The following FMN1 variants were observed in gnomAD, a reference collection of about 807,000 sequenced individuals.
FMN1 encodes formin-1.
A neutral mutation model predicts 132.4 loss-of-function variants in FMN1; 110 were observed. That is an observed-to-expected ratio of 0.83 (90% CI 0.71 to 0.97). The LOEUF is 0.97. FMN1 is among the 50% of genes least tolerant of loss of function. FMN1 has a pLI of 0.00. For missense variants in FMN1, 1,792 were observed against 1,705.3 expected (o/e 1.05, Z -0.90); for synonymous variants, 722 against 651.7 (o/e 1.11, Z -1.64).
chr15:33,041,953 T>C (rs1199949971), intron 6 of FMN1, among the ~76,000 whole-genome samples: 1 of 151,974 alleles, frequency 6.6e-6, no homozygotes, highest in Non-Finnish European at 1.5e-5. Context: ...TTTTAAATCA[T>C]TAAGATAGTA....
At chr15:33,048,850 A>G (rs1391338468) in intron 6 of FMN1, among the ~76,000 whole-genome samples, 4 of 152,130 alleles carry the variant, frequency 2.6e-5, no homozygotes, top group Non-Finnish European at 5.9e-5. Flanking sequence ...ACCTGCCCCC[A>G]TGATTCAACT....
At chr15:33,047,270 T>C (rs551003831) in intron 6 of FMN1, among the ~76,000 whole-genome samples, 3 of 152,346 alleles carry the variant, frequency 2.0e-5, no homozygotes, top group African/African-American at 7.2e-5. Flanking sequence ...TTATAAAAAC[T>C]GTTTGCCACC....
At chr15:33,172,915 G>A (rs976925078) in intron 3 of FMN1, among the ~76,000 whole-genome samples, 2 of 152,210 alleles carry the variant, frequency 1.3e-5, no homozygotes, top group Admixed American at 6.5e-5. Flanking sequence ...TGTGACTTTA[G>A]GAAGAAGAGA....
At chr15:32,970,000 C>G (rs187129221) in intron 7 of FMN1, among the ~76,000 whole-genome samples, 1 of 152,168 alleles carries the variant, frequency 6.6e-6, no homozygotes, top group Non-Finnish European at 1.5e-5. Context: ...CGATAACTTA[C>G]TTTTTTAAAG....
intron 7 of FMN1, among the ~76,000 whole-genome samples, chr15:32,971,795 T>C (rs573996970): frequency 3.6e-4 from 55 of 152,350 alleles, no homozygotes; most frequent in African/African-American, 1.2e-3. Flanking sequence ...GGTGAACTTA[T>C]TGAGTTTCTG....
chr15:33,047,117 G>T (rs2036723249), intron 6 of FMN1, among the ~76,000 whole-genome samples: 1 of 152,206 alleles, frequency 6.6e-6, no homozygotes, highest in Non-Finnish European at 1.5e-5. Context: ...TACAATGGCG[G>T]TCTGGCTTAG....
intron 4 of FMN1, among the ~76,000 whole-genome samples, chr15:33,134,557 T>C (rs1212221592): frequency 6.6e-6 from 1 of 152,138 alleles, no homozygotes. Flanking sequence ...GGGGAAACAG[T>C]AGTCGATTGG....
intron 6 of FMN1, among the ~76,000 whole-genome samples, chr15:33,030,837 A>G (rs1774260782): frequency 6.6e-6 from 1 of 152,148 alleles, no homozygotes; most frequent in African/African-American, 2.4e-5. Context: ...TTTTTTATTA[A>G]TATACTTTAA....
At chr15:32,849,716 G>C (rs544056504) in intron 17 of FMN1, among the ~76,000 whole-genome samples, 2 of 152,166 alleles carry the variant, frequency 1.3e-5, no homozygotes, top group Admixed American at 1.3e-4. Flanking sequence ...CAGTGCAGTG[G>C]TATGATCTCA....
At chr15:32,957,295 G>GTTGT in intron 9 of FMN1, among the ~76,000 whole-genome samples, 1 of 74,158 alleles carries the variant, frequency 1.3e-5, no homozygotes, top group South Asian at 5.2e-4. Flanking sequence ...TATCAGAGCA[G>GTTGT]TTCTTTTTTT....
At chr15:32,822,250 G>A (rs1457423454) in intron 17 of FMN1, among the ~76,000 whole-genome samples, 1 of 152,190 alleles carries the variant, frequency 6.6e-6, no homozygotes, top group African/African-American at 2.4e-5. Context: ...TCAGGAAGCT[G>A]AGGCAGGAGA....
intron 6 of FMN1, chr15:33,062,916 T>A (rs964357989): frequency 1.4e-4 from 21 of 152,342 alleles, no homozygotes; most frequent in African/African-American, 4.8e-4. Context: ...AATAGCTGTA[T>A]ATTTTCTATG....
chr15:32,858,343 G>T (rs76027286), intron 16 of FMN1, among the ~76,000 whole-genome samples: 1 of 152,144 alleles, frequency 6.6e-6, no homozygotes, highest in African/African-American at 2.4e-5. Flanking sequence ...CTTTTCATTT[G>T]CAATATTGCC....
chr15:33,043,962 T>G (rs2036561506), intron 6 of FMN1, among the ~76,000 whole-genome samples: 1 of 151,980 alleles, frequency 6.6e-6, no homozygotes, highest in Admixed American at 6.6e-5. Flanking sequence ...ACCCAGGAAG[T>G]CCCCCTTTCC....
At chr15:33,005,222 T>C in intron 7 of FMN1, among the ~76,000 whole-genome samples, 1 of 149,344 alleles carries the variant, frequency 6.7e-6, no homozygotes. Context: ...TACAGCTAAG[T>C]GTATAAATTG....
intron 19 of FMN1, among the ~76,000 whole-genome samples, chr15:32,784,903 T>C (rs1325501352): frequency 6.6e-6 from 1 of 152,146 alleles, no homozygotes; most frequent in Non-Finnish European, 1.5e-5. Flanking sequence ...CCAATGTCTA[T>C]TTGCCTCCTT....
intron 10 of FMN1, among the ~76,000 whole-genome samples, chr15:32,912,743 A>G (rs535703395): frequency 6.6e-6 from 1 of 152,264 alleles, no homozygotes; most frequent in African/African-American, 2.4e-5. Context: ...AGGTATAGAA[A>G]AAAAAAAATC....
intron 9 of FMN1, among the ~76,000 whole-genome samples, chr15:32,934,380 G>C (rs964359962): frequency 4.0e-5 from 6 of 151,826 alleles, no homozygotes; most frequent in African/African-American, 1.5e-4. Context: ...TGATTTATCC[G>C]CATCATTATA....
intron 4 of FMN1, among the ~76,000 whole-genome samples, chr15:33,099,957 C>G (rs2039232841): frequency 6.6e-6 from 1 of 152,026 alleles, no homozygotes; most frequent in Admixed American, 6.6e-5. Flanking sequence ...ACTATTATAC[C>G]TAATAAATCA....
Sources: allele counts gnomAD v4.1 joint callset (sites outside exome capture counted in the v4.1 genomes callset), GRCh38; gene constraint gnomAD v4.1.1; transcripts MANE v1.5; gene names NCBI Gene and HGNC (gene_info 2026-07-23, HGNC 2026-07-21).